The following DIP2C variants were observed in gnomAD, a reference collection of about 807,000 sequenced individuals.
DIP2C encodes DIP2 acetate--CoA ligase C (putative).
A neutral mutation model predicts 192.4 loss-of-function variants in DIP2C; 33 were observed. The observed-to-expected ratio is 0.17, with a 90% CI of 0.13 to 0.23. The LOEUF is 0.23. Among genes scored for constraint, DIP2C ranks in the 10% least tolerant of loss-of-function variants. DIP2C has a pLI of 1.00. For missense variants in DIP2C, 1,537 were observed against 2,110.1 expected (o/e 0.73, Z 5.32); for synonymous variants, 979 against 864.1 (o/e 1.13, Z -2.33).
chr10:653,073 C>T (rs138087619), intron 1 of DIP2C, among the ~76,000 whole-genome samples: 1 of 152,034 alleles, frequency 6.6e-6, no homozygotes, highest in Non-Finnish European at 1.5e-5. Flanking sequence ...CCAGCCCAGA[C>T]CAGCCCCAGA....
chr10:637,186 T>C (rs544532768), intron 1 of DIP2C, among the ~76,000 whole-genome samples: 17 of 151,980 alleles, frequency 1.1e-4, no homozygotes, highest in Middle Eastern at 6.8e-3. Context: ...AACCTGCCTT[T>C]GTCCACCTAG....
intron 17 of DIP2C, among the ~76,000 whole-genome samples, chr10:372,256 G>C (rs888344328): frequency 1.8e-4 from 28 of 152,018 alleles, no homozygotes; most frequent in Non-Finnish European, 3.8e-4. Flanking sequence ...TTTGCTATTA[G>C]TAGAGACGGG....
intron 1 of DIP2C, among the ~76,000 whole-genome samples, chr10:496,865 C>T (rs907764660): frequency 6.6e-6 from 1 of 152,156 alleles, no homozygotes; most frequent in Non-Finnish European, 1.5e-5. Context: ...TGGCTCACAC[C>T]CGTAATCCCA....
In DIP2C at chr10:277,504, G is replaced by A; in HGVS notation, c.4492C>T (p.Leu1498=). The A allele has an allele frequency of 6.2e-7, 1 of 1,614,170 alleles. No homozygotes were observed. Among genetic ancestry groups the A allele is most frequent in the Non-Finnish European group, 8.5e-7 (1 of 1,180,042 alleles). ...LDGSEQEALD[L]VPLVTNVVLE... ...ACCACGTTGGTCACCAAGGGAACCA[G>A]GTCCAAGGCTTCTTGTTCCGACCCA... The change falls in exon 37 of 37, where the codon CTG becomes TTG. Residue 1498 remains leucine (L), a synonymous_variant. Coordinates refer to ENST00000280886, the MANE Select transcript of DIP2C (RefSeq NM_014974.3).
intron 1 of DIP2C, chr10:630,719 G>A (rs181173172): frequency 6.6e-6 from 1 of 152,326 alleles, no homozygotes; most frequent in African/African-American, 2.4e-5. Flanking sequence ...GGTGGCAGGA[G>A]GGAGTCTTGT....
chr10:398,862 T>C (rs1428518696), intron 10 of DIP2C, among the ~76,000 whole-genome samples: 1 of 152,100 alleles, frequency 6.6e-6, no homozygotes, highest in South Asian at 2.1e-4. Context: ...AACAAGATTC[T>C]CAAACACCCT....
intron 1 of DIP2C, among the ~76,000 whole-genome samples, chr10:503,230 C>T (rs909748913): frequency 1.3e-5 from 2 of 152,174 alleles, no homozygotes; most frequent in Non-Finnish European, 2.9e-5. Context: ...CACCGACCTG[C>T]GGACTTATCA....
chr10:539,191 C>T (rs533847671), intron 1 of DIP2C, among the ~76,000 whole-genome samples: 1 of 152,222 alleles, frequency 6.6e-6, no homozygotes, highest in African/African-American at 2.4e-5. Flanking sequence ...TCATAGAGTG[C>T]TCATATTAAT....
At chr10:351,161 G>A (rs1185958549) in intron 24 of DIP2C, among the ~76,000 whole-genome samples, 2 of 152,192 alleles carry the variant, frequency 1.3e-5, no homozygotes, top group Non-Finnish European at 2.9e-5. Flanking sequence ...GCGGGTAGCC[G>A]AGTTAGTGCA....
intron 1 of DIP2C, among the ~76,000 whole-genome samples, chr10:560,382 TAAA>T (rs549024762): frequency 2.1e-5 from 3 of 145,398 alleles, no homozygotes; most frequent in Non-Finnish European, 4.6e-5. Flanking sequence ...CACAACCATT[TAAA>T]AAAAAAAAGA....
rs991814788 is a variant in DIP2C, at chr10:633,400, C to T, written c.85+56094G>A. On this transcript the variant is annotated intron_variant, in intron 1 of 36. Coordinates refer to ENST00000280886, the MANE Select transcript of DIP2C (RefSeq NM_014974.3). Reference sequence around the variant, plus strand: ...GGGAGTCCGAGGCGGTGCCGCAGAGCGGACGCGGGGAGTCCGAGGCGGTGC... The same window carrying T: ...GGGAGTCCGAGGCGGTGCCGCAGAGTGGACGCGGGGAGTCCGAGGCGGTGC... Among the ~76,000 whole-genome samples, 7 of 152,106 alleles carry T rather than the reference C, an allele frequency of 4.6e-5. No individual in the cohort carries two copies. In the East Asian group the frequency reaches 9.7e-4, roughly 21 times the overall value.
intron 2 of DIP2C, among the ~76,000 whole-genome samples, chr10:483,045 A>T (rs556842866): frequency 6.6e-6 from 1 of 152,312 alleles, no homozygotes; most frequent in South Asian, 2.1e-4. Context: ...CTCAGCACCA[A>T]CGCTCACTTC....
intron 3 of DIP2C, among the ~76,000 whole-genome samples, chr10:459,171 C>G (rs781686837): frequency 6.6e-6 from 1 of 152,144 alleles, no homozygotes; most frequent in Non-Finnish European, 1.5e-5. Flanking sequence ...GTCACAGTCA[C>G]AGAATCCACT....
intron 1 of DIP2C, among the ~76,000 whole-genome samples, chr10:546,273 C>CTCTG (rs59094694): frequency 0.16 from 8,687 of 55,570 alleles, 886 homozygotes; most frequent in African/African-American, 0.46. Context: ...CAGAGCAAGA[C>CTCTG]TCTTAAAAAA....
At chr10:445,914 C>A (rs995973587) in intron 3 of DIP2C, among the ~76,000 whole-genome samples, 1 of 151,392 alleles carries the variant, frequency 6.6e-6, no homozygotes, top group South Asian at 2.1e-4. Flanking sequence ...CTGTATACAT[C>A]TGTTGTGAAG....
intron 1 of DIP2C, among the ~76,000 whole-genome samples, chr10:600,091 T>A (rs1218329282): frequency 6.6e-6 from 1 of 152,138 alleles, no homozygotes; most frequent in Non-Finnish European, 1.5e-5. Flanking sequence ...GGAACCTGTA[T>A]CATAACTAAC....
At chr10:633,341 G>A (rs1854637468) in intron 1 of DIP2C, among the ~76,000 whole-genome samples, 2 of 152,226 alleles carry the variant, frequency 1.3e-5, no homozygotes, top group East Asian at 1.9e-4. Flanking sequence ...GGGCAACAGC[G>A]TTCACATTCC....
chr10:649,924 G>A lies in DIP2C; in HGVS notation c.85+39570C>T, dbSNP rs148210374. ...GTGCCCGTCACCTGCGTCCCCGTGC[G>A]TCACGGCGTTGCCGCACACCATTAA... On this transcript the variant is annotated intron_variant, in intron 1 of 36. Coordinates refer to ENST00000280886, the MANE Select transcript of DIP2C (RefSeq NM_014974.3). 613 of 586,594 alleles carry A rather than the reference G, an allele frequency of 1.0e-3. 1 individual carries two copies. The highest frequency in any genetic ancestry group is 1.5e-3 in the Non-Finnish European group (491 of 329,624). The allele number at this position is 586,594 out of a possible 1,614,324, so 36.3% of individuals were successfully genotyped here. A position where few individuals can be genotyped will look rare whatever the true frequency, so the allele number is the denominator to read the frequency against.
intron 1 of DIP2C, among the ~76,000 whole-genome samples, chr10:640,438 C>T (rs900585752): frequency 2.6e-5 from 4 of 152,338 alleles, no homozygotes; most frequent in African/African-American, 9.6e-5. Context: ...AAGAGATGCC[C>T]AAGGCTCCCT....
Sources: gnomAD v4.1 joint callset for allele counts (sites outside exome capture counted in the v4.1 genomes callset) on GRCh38, gnomAD v4.1.1 for gene constraint, MANE v1.5 for transcripts, NCBI Gene and HGNC (gene_info 2026-07-23, HGNC 2026-07-21) for gene names.